The following GADL1 variants were observed in gnomAD, a reference collection of about 807,000 sequenced individuals.
GADL1 encodes GAD like acidic amino acid decarboxylase 1.
Under a neutral mutation model 69.5 loss-of-function variants are expected in GADL1, and 71 were observed. The observed-to-expected ratio is 1.02, with a 90% CI of 0.84 to 1.25. The LOEUF is 1.25. Ranked by LOEUF, GADL1 falls within the 50% of genes most tolerant of loss-of-function variation. The probability of loss-of-function intolerance (pLI) is 0.00; values close to 1 mark genes in which losing one functional copy is unlikely to be tolerated. For synonymous variants in GADL1, 254 were observed against 214.4 expected (o/e 1.18, Z -1.62); for missense variants, 737 against 631.8 (o/e 1.17, Z -1.79).
chr3:30,834,549 G>T (rs1405569358), intron 9 of GADL1, among the ~76,000 whole-genome samples: 1 of 151,946 alleles, frequency 6.6e-6, no homozygotes, highest in African/African-American at 2.4e-5. Flanking sequence ...AGCTATGTGT[G>T]GATGGAAGAG....
In GADL1 at chr3:30,727,955, A is replaced by C. The variant is rs1336868075; in HGVS notation, c.*287T>G. ...AAAGAGCAATGTAAGCTTAGAATCC[A>C]GAACCTACATGGTACTTACTAAACT... On this transcript the variant is annotated 3_prime_UTR_variant, in exon 15 of 15. Transcript: ENST00000282538. The C allele has an allele frequency of 5.7e-5, 14 of 243,966 alleles. No homozygotes were observed. The highest frequency in any genetic ancestry group is 7.9e-6 in the Non-Finnish European group (1 of 126,820). 15.1% of individuals were successfully genotyped at this position (243,966 alleles called of 1,614,324 possible). A position where few individuals can be genotyped will look rare whatever the true frequency, so the allele number is the denominator to read the frequency against.
At chr3:30,797,276 A>G (rs1697052875) in intron 12 of GADL1, among the ~76,000 whole-genome samples, 1 of 152,158 alleles carries the variant, frequency 6.6e-6, no homozygotes, top group Non-Finnish European at 1.5e-5. Context: ...TTAGACCTCT[A>G]GGGGGAAAAC....
intron 4 of GADL1, among the ~76,000 whole-genome samples, chr3:30,851,284 C>CT (rs1311162933): frequency 2.6e-5 from 4 of 152,160 alleles, no homozygotes; most frequent in Non-Finnish European, 5.9e-5. Context: ...GGAACACTGA[C>CT]TTGGATGCTG....
At chr3:30,758,122 C>G (rs141534267) in intron 14 of GADL1, among the ~76,000 whole-genome samples, 2 of 152,178 alleles carry the variant, frequency 1.3e-5, no homozygotes, top group African/African-American at 4.8e-5. Flanking sequence ...AAAACCAAAT[C>G]TGGATGATAC....
rs1355085491 is a variant in GADL1, at chr3:30,863,905, TA to T, written c.38-2141del. The stretch of plus-strand genomic sequence containing the variant: ...AAATGGTGTCTATGAAAGCACCAGA[TA>T]AAAATGTTACAGGAAGATCCCCCAG... On this transcript the variant is annotated intron_variant, in intron 1 of 14. Coordinates refer to ENST00000282538, the MANE Select transcript of GADL1 (RefSeq NM_207359.3). Among the ~76,000 whole-genome samples the T allele has an allele frequency of 2.0e-5, 3 of 152,138 alleles. No individual in the cohort carries two copies. In the East Asian group the frequency reaches 5.8e-4, roughly 30 times the overall value.
chr3:30,848,675 C>T (rs889691180), intron 6 of GADL1, among the ~76,000 whole-genome samples: 1 of 152,122 alleles, frequency 6.6e-6, no homozygotes, highest in Non-Finnish European at 1.5e-5. Flanking sequence ...AAATCTCTTC[C>T]AATAAAGGCT....
At chr3:30,823,061 C>T (rs781777976) in intron 11 of GADL1, among the ~76,000 whole-genome samples, 11 of 152,080 alleles carry the variant, frequency 7.2e-5, no homozygotes, top group East Asian at 1.9e-4. Context: ...CCACTGAATA[C>T]AGCCAAGAAT....
chr3:30,890,099 CTTTG>C (rs370199056), intron 1 of GADL1, among the ~76,000 whole-genome samples: 12 of 152,154 alleles, frequency 7.9e-5, no homozygotes, highest in Admixed American at 2.0e-4. Context: ...AACAATGCCT[CTTTG>C]TTTGATATGT....
At chr3:30,759,904 T>G (rs905756560) in intron 14 of GADL1, among the ~76,000 whole-genome samples, 1 of 152,174 alleles carries the variant, frequency 6.6e-6, no homozygotes, top group Non-Finnish European at 1.5e-5. Flanking sequence ...GGTGGACTTG[T>G]GCTCTATGCC....
rs554467571 is a variant in GADL1, at chr3:30,801,038, C to T, written c.1101G>A (p.Gln367=). Residue 367 remains glutamine, a synonymous_variant, in exon 12 of 15, where the codon CAG becomes CAA. Transcript: ENST00000282538. ...YSAKASYLFQ[Q]DKFYDVSYDT... ...CATAGCTCACATCATAGAATTTATCCTGCTGGAAGAGGTAAGATGCCTTGG... is the reference window on the plus strand; with the variant it reads ...CATAGCTCACATCATAGAATTTATCTTGCTGGAAGAGGTAAGATGCCTTGG... The T allele has an allele frequency of 2.5e-6, 4 of 1,613,958 alleles. No homozygotes were observed. Among genetic ancestry groups the T allele is most frequent in the Non-Finnish European group, 2.5e-6 (3 of 1,179,930 alleles).
At chr3:30,800,319 TAAAACC>T (rs1697133909) in intron 12 of GADL1, 1 of 152,692 alleles carries the variant, frequency 6.5e-6, no homozygotes, top group African/African-American at 2.4e-5. Context: ...AAACCCCTGA[TAAAACC>T]ATCAGATCTT....
At chr3:30,829,238 C>T (rs1697746038) in intron 11 of GADL1, among the ~76,000 whole-genome samples, 1 of 151,338 alleles carries the variant, frequency 6.6e-6, no homozygotes, top group Admixed American at 6.6e-5. Flanking sequence ...CTTTTTATTC[C>T]TGTGATTCAA....
At chr3:30,872,375 T>C (rs1014410364) in intron 1 of GADL1, among the ~76,000 whole-genome samples, 4 of 151,970 alleles carry the variant, frequency 2.6e-5, no homozygotes, top group Non-Finnish European at 5.9e-5. Context: ...ATAGTTTCTG[T>C]TGGCATTTTC....
intron 14 of GADL1, among the ~76,000 whole-genome samples, chr3:30,767,108 G>C (rs1696300028): frequency 6.6e-6 from 1 of 152,122 alleles, no homozygotes; most frequent in Non-Finnish European, 1.5e-5. Flanking sequence ...GTGAGGTGCA[G>C]GTAGTTTTTA....
chr3:30,846,299 G>T (rs547252022), intron 6 of GADL1, among the ~76,000 whole-genome samples: 2 of 152,220 alleles, frequency 1.3e-5, no homozygotes, highest in South Asian at 2.1e-4. Context: ...CTCCCCACAG[G>T]TTTCATAAAT....
intron 8 of GADL1, among the ~76,000 whole-genome samples, chr3:30,841,958 A>AG (rs1161342038): frequency 6.6e-6 from 1 of 152,212 alleles, no homozygotes; most frequent in East Asian, 1.9e-4. Context: ...CGGATGGTGC[A>AG]GAGGAGGTGA....
intron 11 of GADL1, among the ~76,000 whole-genome samples, chr3:30,807,260 C>A (rs1162843479): frequency 6.6e-6 from 1 of 152,168 alleles, no homozygotes; most frequent in African/African-American, 2.4e-5. Flanking sequence ...TTTCCCCAGG[C>A]AAGCTACAGA....
chr3:30,820,118 T>C (rs1234571877), intron 11 of GADL1, among the ~76,000 whole-genome samples: 1 of 151,922 alleles, frequency 6.6e-6, no homozygotes, highest in Non-Finnish European at 1.5e-5. Context: ...CATCCACTAA[T>C]ATATTTAAAA....
intron 14 of GADL1, among the ~76,000 whole-genome samples, chr3:30,753,347 T>G (rs1249709809): frequency 1.3e-5 from 2 of 152,216 alleles, no homozygotes; most frequent in Non-Finnish European, 2.9e-5. Flanking sequence ...GAATTCTAGT[T>G]TCAAATATGT....
Sources: allele counts gnomAD v4.1 joint callset (sites outside exome capture counted in the v4.1 genomes callset), GRCh38; gene constraint gnomAD v4.1.1; transcripts MANE v1.5; gene names NCBI Gene and HGNC (gene_info 2026-07-23, HGNC 2026-07-21).